YIPF5: variants seen among roughly 807,000 people sequenced by gnomAD.
YIPF5 encodes Yip1 domain family member 5, also known as protein YIPF5.
YIPF5 carries 8 observed loss-of-function variants against 30.4 expected under a neutral mutation model. The observed-to-expected ratio is 0.26, with a 90% CI of 0.15 to 0.47. YIPF5 has a LOEUF of 0.47. Among genes scored for constraint, YIPF5 ranks in the 20% least tolerant of loss-of-function variants. YIPF5 has a pLI of 0.99. For synonymous variants in YIPF5, 104 were observed against 107.9 expected (o/e 0.96, Z 0.23); for missense variants, 282 against 301.8 (o/e 0.93, Z 0.49).
intron 2 of YIPF5, among the ~76,000 whole-genome samples, chr5:144,167,293 C>G (rs942936292): frequency 2.6e-5 from 4 of 152,094 alleles, no homozygotes; most frequent in African/African-American, 9.7e-5. Context: ...CTGACTTGTT[C>G]CTGCTGGTTT....
At chr5:144,160,646 GCATTTTAAATTTA>G in intron 5 of YIPF5, 87 bp from the exon 6 acceptor site, 1 of 1,118,522 alleles carries the variant, frequency 8.9e-7, no homozygotes, top group Non-Finnish European at 1.2e-6. Context: ...CTATTCTAAA[GCATTTTAAATTTA>G]CATTTTAAAT....
chr5:144,165,662 T>G, intron 2 of YIPF5, 58 bp from the exon 3 acceptor site: 1 of 1,500,624 alleles, frequency 6.7e-7, no homozygotes, highest in Non-Finnish European at 9.0e-7. Flanking sequence ...ACAGTTAATA[T>G]CCCTTAAATT....
At position 144,170,564 on chromosome 5, in the gene YIPF5, G is replaced by A; in HGVS notation, c.-40C>T. 6.5e-6 allele frequency: 1 copy of A among 153,488 alleles called. No individual in the cohort carries two copies. Among genetic ancestry groups the A allele is most frequent in the Non-Finnish European group, 1.4e-5 (1 of 68,976 alleles). The allele number at this position is 153,488 out of a possible 1,614,324, so 9.5% of individuals were successfully genotyped here. ...CTCTGAGGCTGCGCTGGCGGCAAAG[G>A]CAGTAGCTTCACTAATCCCAAACAA... On this transcript the variant is annotated 5_prime_UTR_variant, in exon 1 of 6. Coordinates refer to ENST00000274496, the MANE Select transcript of YIPF5 (RefSeq NM_030799.9).
intron 3 of YIPF5, among the ~76,000 whole-genome samples, chr5:144,165,196 G>A (rs1288548801): frequency 6.6e-6 from 1 of 152,120 alleles, no homozygotes; most frequent in East Asian, 1.9e-4. Flanking sequence ...AGTAAAAGTC[G>A]ATGCTGACAT....
At chr5:144,166,394 C>T (rs1752203659) in intron 2 of YIPF5, among the ~76,000 whole-genome samples, 1 of 152,086 alleles carries the variant, frequency 6.6e-6, no homozygotes, top group African/African-American at 2.4e-5. Context: ...TCTGTTCCAT[C>T]ATGTTTTGAA....
In YIPF5 at chr5:144,164,017, G is replaced by A. The variant is rs1752126501; in HGVS notation, c.429+94C>T. ...TCCAAACACATCAAAGACTTGAGGT[G>A]TAAAGCGGAGTTTCAAAATGGCTTT... On this transcript the variant is annotated intron_variant, in intron 4 of 5. Coordinates refer to ENST00000274496, the MANE Select transcript of YIPF5 (RefSeq NM_030799.9). The A allele has an allele frequency of 3.3e-6, 5 of 1,495,310 alleles. No individual in the cohort carries two copies. The African/African-American group carries it at 4.2e-5, about 13-fold the overall frequency. 92.6% of individuals were successfully genotyped at this position (1,495,310 alleles called of 1,614,324 possible).
At chr5:144,164,369 C>T (rs1317014212) in intron 3 of YIPF5, 113 bp from the exon 4 acceptor site, 4 of 894,102 alleles carry the variant, frequency 4.5e-6, no homozygotes, top group Non-Finnish European at 6.7e-6. Flanking sequence ...AAGGATCTAG[C>T]AATATTGGAT....
chr5:144,159,394 G>A lies in YIPF5; in HGVS notation c.*1003C>T. The stretch of plus-strand genomic sequence containing the variant: ...GTTAGTGATTTTTTTATTATTTTTG[G>A]GAAATGTGGCGATCCAACGATTATA... On this transcript the variant is annotated 3_prime_UTR_variant, in exon 6 of 6. Coordinates refer to ENST00000274496, the MANE Select transcript of YIPF5 (RefSeq NM_030799.9). 1 of 984,984 alleles carries A rather than the reference G, an allele frequency of 1.0e-6. No individual in the cohort carries two copies. Among genetic ancestry groups the A allele is most frequent in the Non-Finnish European group, 1.2e-6 (1 of 829,788 alleles). The allele number at this position is 984,984 out of a possible 1,614,324, so 61.0% of individuals were successfully genotyped here.
At chr5:144,160,796 C>G (rs991087270) in intron 5 of YIPF5, among the ~76,000 whole-genome samples, 3 of 151,756 alleles carry the variant, frequency 2.0e-5, no homozygotes, top group African/African-American at 7.3e-5. Flanking sequence ...CTATGTTTTA[C>G]TTTTTAAAAA....
Position 144,162,363 on chromosome 5 carries a change from T to C in YIPF5, c.466A>G (p.Ser156Gly). 6.2e-7 allele frequency: 1 copy of C among 1,613,876 alleles called. No homozygotes were observed. The highest frequency in any genetic ancestry group is 2.2e-5 in the East Asian group (1 of 44,854). ...AACATTCCTAGACATCCAATTGCAC[T>C]GATCCCGTATACATAGCCAAACTGG... is the stretch of plus-strand genomic sequence containing the variant. ...KIQFGYVYGI[S>G]AIGCLGMFCL... is the part of the protein sequence containing the mutation. Residue 156 changes from serine (S) to glycine (G), a missense_variant, in exon 5 of 6, where the codon AGT becomes GGT. Coordinates refer to ENST00000274496, the MANE Select transcript of YIPF5 (RefSeq NM_030799.9).
At chr5:144,169,381 G>A (rs191131350) in intron 2 of YIPF5, among the ~76,000 whole-genome samples, 3 of 152,278 alleles carry the variant, frequency 2.0e-5, no homozygotes, top group African/African-American at 4.8e-5. Context: ...TATGAAAATC[G>A]CCTGATGATT....
At chr5:144,170,027 G>A (rs1303591094) in intron 1 of YIPF5, 62 bp from the exon 2 acceptor site, 23 of 1,362,132 alleles carry the variant, frequency 1.7e-5, no homozygotes, top group Non-Finnish European at 2.2e-5. Context: ...ATTCGTTCCT[G>A]GCAGTCTGCT....
chr5:144,159,707 T>C lies in YIPF5; in HGVS notation c.*690A>G. On this transcript the variant is annotated 3_prime_UTR_variant, in exon 6 of 6. Coordinates refer to ENST00000274496, the MANE Select transcript of YIPF5 (RefSeq NM_030799.9). Reference sequence around the variant, plus strand: ...TTTTTGCAGTAAGTCTTGTGTCTCCTTTTTTTTTTTTTTTTGAGACAGAGT... The same window carrying C: ...TTTTTGCAGTAAGTCTTGTGTCTCCCTTTTTTTTTTTTTTTGAGACAGAGT... 5.2e-6 allele frequency: 1 copy of C among 191,072 alleles called. No homozygotes were observed. The allele number at this position is 191,072 out of a possible 1,614,324, so 11.8% of individuals were successfully genotyped here. A position where few individuals can be genotyped will look rare whatever the true frequency, so the allele number is the denominator to read the frequency against.
At chr5:144,168,425 C>T (rs908461931) in intron 2 of YIPF5, among the ~76,000 whole-genome samples, 2 of 152,034 alleles carry the variant, frequency 1.3e-5, no homozygotes, top group African/African-American at 4.8e-5. Flanking sequence ...ACAGGTTCTC[C>T]GAAGCTGTGT....
Position 144,164,553 on chromosome 5 carries a change from A to T in YIPF5, c.284-297T>A, listed in dbSNP as rs537158572. Among the ~76,000 whole-genome samples, 122 of 150,348 alleles carry T rather than the reference A, an allele frequency of 8.1e-4. 1 individual carries two copies. The highest frequency in any genetic ancestry group is 2.9e-3 in the African/African-American group (119 of 40,522). On this transcript the variant is annotated intron_variant, in intron 3 of 5. Transcript: ENST00000274496. ...AGGTGTGCGCCACAACACAGAGCTA[A>T]TTTTTTTCTTTTCTTTCTTTCTTTT...
chr5:144,162,509 TA>T (rs1325733931), intron 4 of YIPF5, 110 bp from the exon 5 acceptor site: 1 of 953,538 alleles, frequency 1.0e-6, no homozygotes, highest in South Asian at 1.7e-5. Flanking sequence ...CAAAATCTAC[TA>T]ATCTATCTAT....
intron 4 of YIPF5, chr5:144,163,783 G>T: frequency 5.9e-6 from 1 of 169,690 alleles, no homozygotes; most frequent in Non-Finnish European, 1.2e-5. Context: ...AAAAAAAAAA[G>T]CAATAGTGTA....
In YIPF5 at chr5:144,160,550, T is replaced by A; in HGVS notation, c.621A>T (p.Val207=). The A allele has an allele frequency of 6.2e-7, 1 of 1,612,524 alleles. No homozygotes were observed. The highest frequency in any genetic ancestry group is 8.5e-7 in the Non-Finnish European group (1 of 1,179,490). ...FAVIFSLQGM[V]GIILTAGIIG... is the part of the protein sequence containing the mutation. Reference sequence around the variant, plus strand: ...TAATCCCAGCAGTGAGAATGATTCCTACCATTCCTCTGTAAACAACAAGGA... The same window carrying A: ...TAATCCCAGCAGTGAGAATGATTCCAACCATTCCTCTGTAAACAACAAGGA... Residue 207 remains valine, a synonymous_variant, in exon 6 of 6, where the codon GTA becomes GTT. Transcript: ENST00000274496.
At chr5:144,170,071 G>GT in intron 1 of YIPF5, 106 bp from the exon 2 acceptor site, 2 of 858,862 alleles carry the variant, frequency 2.3e-6, no homozygotes, top group Non-Finnish European at 3.7e-6. Flanking sequence ...TATTTTTTCA[G>GT]TAATTCGGAG....
Sources: allele counts gnomAD v4.1 joint callset (sites outside exome capture counted in the v4.1 genomes callset), GRCh38; gene constraint gnomAD v4.1.1; transcripts MANE v1.5; gene names NCBI Gene and HGNC (gene_info 2026-07-23, HGNC 2026-07-21).